SLC23A2: variants seen among roughly 807,000 people sequenced by gnomAD.
The protein encoded by SLC23A2 is Na(+)/L-ascorbic acid transporter 2.
SLC23A2 carries 36 observed loss-of-function variants against 73.3 expected under a neutral mutation model. That is an observed-to-expected ratio of 0.49 (90% CI 0.38 to 0.65). The LOEUF (loss-of-function observed/expected upper bound fraction) is 0.65. Among genes scored for constraint, SLC23A2 ranks in the 30% least tolerant of loss-of-function variants. The pLI, the probability that SLC23A2 is intolerant of heterozygous loss-of-function variation, is 0.00. For missense variants in SLC23A2, 507 were observed against 841.6 expected (o/e 0.60, Z 4.92); for synonymous variants, 343 against 327.3 (o/e 1.05, Z -0.52).
intron 1 of SLC23A2, 51 bp downstream of exon 1, chr20:5,001,355 G>C (rs998182050): frequency 5.5e-5 from 8 of 146,444 alleles, no homozygotes; most frequent in Non-Finnish European, 1.2e-4. Context: ...CGGCCCCGCC[G>C]GCAGGTGCGG....
At chr20:4,892,814 A>G (rs1931378755) in intron 6 of SLC23A2, among the ~76,000 whole-genome samples, 1 of 152,128 alleles carries the variant, frequency 6.6e-6, no homozygotes, top group Non-Finnish European at 1.5e-5. Context: ...TGACGTGGGG[A>G]GGAAAAAGGT....
rs138692564 is a variant in SLC23A2, at chr20:4,936,900, G to A, written c.-154-4184C>T. Among the ~76,000 whole-genome samples, 858 of 152,294 alleles carry A rather than the reference G, an allele frequency of 5.6e-3. 6 individuals are homozygous for A. Among genetic ancestry groups the A allele is most frequent in the Non-Finnish European group, 8.5e-3 (580 of 68,034 alleles). On this transcript the variant is annotated intron_variant, in intron 2 of 16. Coordinates refer to ENST00000338244, the MANE Select transcript of SLC23A2 (RefSeq NM_005116.6). ...CCTGAAAGAGCACAGGAGAGGATGA[G>A]ACTCATACAGCGCAGAGCAGTGATG...
chr20:4,892,118 T>C (rs1328408295), intron 6 of SLC23A2, among the ~76,000 whole-genome samples: 1 of 151,922 alleles, frequency 6.6e-6, no homozygotes, highest in Non-Finnish European at 1.5e-5. Flanking sequence ...TTGTCCAAAG[T>C]CACGTGACTA....
intron 3 of SLC23A2, among the ~76,000 whole-genome samples, chr20:4,919,823 G>GTAA (rs1932445142): frequency 6.6e-6 from 1 of 152,126 alleles, no homozygotes; most frequent in Non-Finnish European, 1.5e-5. Flanking sequence ...ACAAACCCAT[G>GTAA]TCTCTAAAAT....
intron 12 of SLC23A2, among the ~76,000 whole-genome samples, chr20:4,869,343 A>AAC (rs1568603042): frequency 6.7e-6 from 1 of 149,508 alleles, no homozygotes; most frequent in African/African-American, 2.5e-5. Context: ...CAAAAAAAAA[A>AAC]CAAAAAAAAC....
At chr20:4,924,996 T>C (rs1314304174) in intron 3 of SLC23A2, among the ~76,000 whole-genome samples, 2 of 151,672 alleles carry the variant, frequency 1.3e-5, no homozygotes, top group Non-Finnish European at 2.9e-5. Flanking sequence ...ATCAGTGACA[T>C]AGTTAAGACC....
intron 3 of SLC23A2, among the ~76,000 whole-genome samples, chr20:4,931,021 T>A (rs948285115): frequency 1.3e-5 from 2 of 148,912 alleles, no homozygotes; most frequent in Non-Finnish European, 3.0e-5. Flanking sequence ...TAACTTTTAT[T>A]TTTTTCTTAA....
At chr20:4,987,522 C>G (rs1268281655) in intron 1 of SLC23A2, among the ~76,000 whole-genome samples, 2 of 152,076 alleles carry the variant, frequency 1.3e-5, no homozygotes, top group African/African-American at 4.8e-5. Flanking sequence ...ATTGCAGGGT[C>G]AATGTCAAGA....
rs1172230557 is a variant in SLC23A2, at chr20:4,854,666, G to A, written c.*2306C>T. ...AAGGCCTACAGAGGGCACCCCACAT[G>A]TTAGCGGGGTTGAATCCTCCTGATA... is the stretch of plus-strand genomic sequence containing the variant. On this transcript the variant is annotated 3_prime_UTR_variant, in exon 17 of 17. Transcript: ENST00000338244. The A allele has an allele frequency of 6.6e-6, 1 of 152,158 alleles. No homozygotes were observed. Among genetic ancestry groups the A allele is most frequent in the East Asian group, 1.9e-4 (1 of 5,188 alleles). The allele number at this position is 152,158 out of a possible 1,614,324, so 9.4% of individuals were successfully genotyped here.
intron 6 of SLC23A2, among the ~76,000 whole-genome samples, chr20:4,889,393 C>T (rs1931232108): frequency 6.6e-6 from 1 of 151,718 alleles, no homozygotes; most frequent in African/African-American, 2.4e-5. Context: ...TGACAAATGC[C>T]CCGCATTCTT....
chr20:4,896,492 T>A, intron 6 of SLC23A2, among the ~76,000 whole-genome samples: 1 of 152,056 alleles, frequency 6.6e-6, no homozygotes, highest in Non-Finnish European at 1.5e-5. Context: ...CCCTCCCCCA[T>A]CCCAAAGGCT....
At chr20:4,889,804 T>C (rs1322321639) in intron 6 of SLC23A2, among the ~76,000 whole-genome samples, 2 of 152,090 alleles carry the variant, frequency 1.3e-5, no homozygotes, top group Non-Finnish European at 2.9e-5. Context: ...GAATACTTAA[T>C]GAAATGAAGG....
In SLC23A2 at chr20:4,855,296, G is replaced by T. The variant is rs1026797468; in HGVS notation, c.*1676C>A. On this transcript the variant is annotated 3_prime_UTR_variant, in exon 17 of 17. Coordinates refer to ENST00000338244, the MANE Select transcript of SLC23A2 (RefSeq NM_005116.6). ...GCCAGCCTGGGGCCGAGGGGGACAGGAATGCACCGTGTGGACACCAGGCTG... is the reference window on the plus strand; with the variant it reads ...GCCAGCCTGGGGCCGAGGGGGACAGTAATGCACCGTGTGGACACCAGGCTG... The T allele has an allele frequency of 6.6e-6, 1 of 152,408 alleles. No homozygotes were observed. The highest frequency in any genetic ancestry group is 1.5e-5 in the Non-Finnish European group (1 of 68,188). 9.4% of individuals were successfully genotyped at this position (152,408 alleles called of 1,614,324 possible).
At chr20:4,958,255 G>A (rs1275636992) in intron 2 of SLC23A2, among the ~76,000 whole-genome samples, 3 of 152,294 alleles carry the variant, frequency 2.0e-5, no homozygotes, top group South Asian at 2.1e-4. Flanking sequence ...CCAGTGAGCC[G>A]AAAATGCCTC....
intron 3 of SLC23A2, among the ~76,000 whole-genome samples, chr20:4,926,988 G>A (rs1206780896): frequency 6.6e-6 from 1 of 151,916 alleles, no homozygotes; most frequent in Non-Finnish European, 1.5e-5. Flanking sequence ...CTGCACTCCA[G>A]CACACCTTTC....
intron 1 of SLC23A2, among the ~76,000 whole-genome samples, chr20:4,979,810 A>G (rs1370814576): frequency 2.0e-5 from 3 of 152,198 alleles, no homozygotes; most frequent in Non-Finnish European, 4.4e-5. Context: ...TGAAAATTAA[A>G]CCAAGAAAAA....
At chr20:5,009,811 A>G (rs1407365562) in intron 1 of SLC23A2, among the ~76,000 whole-genome samples, 1 of 152,140 alleles carries the variant, frequency 6.6e-6, no homozygotes, top group Admixed American at 6.5e-5. Flanking sequence ...ATAAAAGGAT[A>G]TGGGCCAGGC....
intron 13 of SLC23A2, among the ~76,000 whole-genome samples, chr20:4,864,083 C>T (rs1930094510): frequency 6.6e-6 from 1 of 152,140 alleles, no homozygotes; most frequent in African/African-American, 2.4e-5. Flanking sequence ...ACTATGGGCC[C>T]CTACTCTGTG....
intron 1 of SLC23A2, among the ~76,000 whole-genome samples, chr20:4,997,187 C>T (rs775402181): frequency 3.3e-5 from 5 of 152,122 alleles, no homozygotes; most frequent in Non-Finnish European, 5.9e-5. Context: ...CACACAGCAA[C>T]GCCTAGAGTG....
Sources: allele counts gnomAD v4.1 joint callset (sites outside exome capture counted in the v4.1 genomes callset), GRCh38; gene constraint gnomAD v4.1.1; transcripts MANE v1.5; gene names NCBI Gene and HGNC (gene_info 2026-07-23, HGNC 2026-07-21).